The following DENND1A variants were observed in gnomAD, a reference collection of about 807,000 sequenced individuals.
DENND1A encodes the protein DENN domain-containing protein 1A.
In DENND1A, 51 loss-of-function variants were observed where a neutral mutation model predicts 113.7. That is an observed-to-expected ratio of 0.45 (90% CI 0.36 to 0.57). The LOEUF (loss-of-function observed/expected upper bound fraction) is 0.57, where lower values mean the gene tolerates loss of function less well. DENND1A is among the 20% of genes least tolerant of loss of function. The pLI is 0.00. For missense variants in DENND1A, 1,258 were observed against 1,395.9 expected (o/e 0.90, Z 1.57); for synonymous variants, 565 against 570.8 (o/e 0.99, Z 0.14).
At chr9:123,777,344 C>T (rs1830617300) in intron 3 of DENND1A, among the ~76,000 whole-genome samples, 1 of 152,208 alleles carries the variant, frequency 6.6e-6, no homozygotes, top group African/African-American at 2.4e-5. Context: ...ATTAGTCGAG[C>T]TTGTTTAGAT....
At chr9:123,845,078 G>A (rs996202714) in intron 2 of DENND1A, among the ~76,000 whole-genome samples, 5 of 151,890 alleles carry the variant, frequency 3.3e-5, no homozygotes, top group African/African-American at 7.3e-5. Context: ...AAATTAGCTG[G>A]GCATGCTGGC....
intron 13 of DENND1A, among the ~76,000 whole-genome samples, chr9:123,525,758 CTTTTTT>C (rs34055700): frequency 1.5e-5 from 2 of 129,842 alleles, no homozygotes; most frequent in African/African-American, 5.9e-5. Context: ...TGCAGTCTAC[CTTTTTT>C]TTTTTTTTTT....
At chr9:123,581,258 G>T (rs535980485) in intron 12 of DENND1A, among the ~76,000 whole-genome samples, 1 of 152,310 alleles carries the variant, frequency 6.6e-6, no homozygotes, top group African/African-American at 2.4e-5. Context: ...GGCAGCCATT[G>T]TTGAATTATA....
At chr9:123,651,726 G>A (rs557236693) in intron 9 of DENND1A, among the ~76,000 whole-genome samples, 7 of 152,268 alleles carry the variant, frequency 4.6e-5, no homozygotes, top group African/African-American at 1.7e-4. Flanking sequence ...GAAATATGGT[G>A]TAGACATTAA....
At chr9:123,562,414 A>G (rs2057811046) in intron 12 of DENND1A, among the ~76,000 whole-genome samples, 1 of 152,184 alleles carries the variant, frequency 6.6e-6, no homozygotes, top group Admixed American at 6.5e-5. Flanking sequence ...CATCCTCACC[A>G]GGAAATATCA....
At chr9:123,582,603 G>A (rs937393091) in intron 12 of DENND1A, among the ~76,000 whole-genome samples, 6 of 152,098 alleles carry the variant, frequency 3.9e-5, no homozygotes, top group Admixed American at 6.5e-5. Context: ...GTTTCACCAT[G>A]TTAGCCAGGA....
In DENND1A at chr9:123,621,718, AT is replaced by A. The variant is rs533829431; in HGVS notation, c.719+8657del. Among the ~76,000 whole-genome samples, 378 of 152,288 alleles carry A rather than the reference AT, an allele frequency of 2.5e-3. 1 individual carries two copies. Among genetic ancestry groups the A allele is most frequent in the African/African-American group, 8.7e-3 (361 of 41,546 alleles). The stretch of plus-strand genomic sequence containing the variant: ...TCTGCTTCCGCCGCACCACACTTTC[AT>A]TTGAGTTCTGTCCCTGCCATCAAGA... On this transcript the variant is annotated intron_variant, in intron 10 of 23. Transcript: ENST00000394215.
chr9:123,870,003 C>CAAAAAAA (rs11430845), intron 2 of DENND1A, among the ~76,000 whole-genome samples: 9 of 78,570 alleles, frequency 1.1e-4, no homozygotes, highest in Non-Finnish European at 1.7e-4. Context: ...GACCCTGTCT[C>CAAAAAAA]AAAAAAAAAA....
chr9:123,847,161 A>AGCAATT (rs943758186), intron 2 of DENND1A, among the ~76,000 whole-genome samples: 11 of 152,212 alleles, frequency 7.2e-5, no homozygotes, highest in African/African-American at 2.7e-4. Flanking sequence ...TGGTTTTAAA[A>AGCAATT]GCAATTAGAC....
rs2045393489 is a variant in DENND1A at position 123,422,581 on chromosome 9, A to G, written c.1489-10752T>C. On this transcript the variant is annotated intron_variant, in intron 19 of 23. Transcript: ENST00000394215. This position sits in a 1 kb window ranked among gnomAD's most constrained non-coding sequence, Gnocchi z 4.8. ...TTTTAAAATTCCTGGACCTTGGAAT[A>G]CATTTCTATCTGTGTCAAAGTCTAC... 6.6e-6 allele frequency among the ~76,000 whole-genome samples: 1 copy of G among 151,912 alleles called. No individual in the cohort carries two copies. The highest frequency in any genetic ancestry group is 1.9e-4 in the East Asian group (1 of 5,190).
At chr9:123,617,106 A>G (rs2060688898) in intron 10 of DENND1A, among the ~76,000 whole-genome samples, 1 of 152,206 alleles carries the variant, frequency 6.6e-6, no homozygotes, top group Admixed American at 6.5e-5. Flanking sequence ...GAGAAGTAGA[A>G]AGTATGGGGT....
At chr9:123,924,005 G>T (rs149287274) in intron 1 of DENND1A, among the ~76,000 whole-genome samples, 5 of 152,244 alleles carry the variant, frequency 3.3e-5, no homozygotes, top group South Asian at 2.1e-4. Flanking sequence ...ATGATGAAAA[G>T]GGGAAACAAC....
At chr9:123,850,994 G>C (rs1395993070) in intron 2 of DENND1A, among the ~76,000 whole-genome samples, 1 of 151,966 alleles carries the variant, frequency 6.6e-6, no homozygotes, top group Non-Finnish European at 1.5e-5. Context: ...GATTTTAAAA[G>C]ATCCAACTAT....
intron 2 of DENND1A, among the ~76,000 whole-genome samples, chr9:123,818,699 T>G (rs1156711803): frequency 6.6e-6 from 1 of 150,496 alleles, no homozygotes; most frequent in East Asian, 1.9e-4. Flanking sequence ...ATTTTGCACA[T>G]GAAACAAAGT....
At chr9:123,773,834 G>A (rs1830082338) in intron 3 of DENND1A, among the ~76,000 whole-genome samples, 2 of 152,150 alleles carry the variant, frequency 1.3e-5, no homozygotes, top group South Asian at 4.1e-4. Context: ...GGGAGATGAG[G>A]CATATTTGCA....
chr9:123,631,972 G>C (rs1054279352), intron 9 of DENND1A, among the ~76,000 whole-genome samples: 1 of 152,102 alleles, frequency 6.6e-6, no homozygotes, highest in Non-Finnish European at 1.5e-5. Flanking sequence ...TGTTTCTTTG[G>C]TTTCAGGGAA....
intron 5 of DENND1A, among the ~76,000 whole-genome samples, chr9:123,726,461 C>T (rs985162737): frequency 2.6e-5 from 4 of 152,132 alleles, no homozygotes; most frequent in South Asian, 4.1e-4. Context: ...TGACCATTTC[C>T]GAAATGCACC....
intron 7 of DENND1A, 105 bp from the exon 8 acceptor site, chr9:123,667,184 G>C: frequency 8.6e-7 from 1 of 1,159,522 alleles, no homozygotes; most frequent in Non-Finnish European, 1.2e-6. Flanking sequence ...ACTCAGAAAA[G>C]GAAACGGTTT....
chr9:123,628,402 C>T (rs1352807794), intron 10 of DENND1A, among the ~76,000 whole-genome samples: 1 of 151,810 alleles, frequency 6.6e-6, no homozygotes, highest in Non-Finnish European at 1.5e-5. Context: ...GCAGCGGGGA[C>T]AGGAGTCTAA....
Sources: gnomAD v4.1 joint callset for allele counts (sites outside exome capture counted in the v4.1 genomes callset) on GRCh38, gnomAD v4.1.1 for gene constraint, Gnocchi (gnomAD v3.1) non-coding constraint, MANE v1.5 for transcripts, NCBI Gene and HGNC (gene_info 2026-07-23, HGNC 2026-07-21) for gene names.